Variants in SLC24A3 observed in about 807,000 individuals in gnomAD.
The protein encoded by SLC24A3 is solute carrier family 24 member 3, also known as sodium/potassium/calcium exchanger 3.
In SLC24A3, 28 loss-of-function variants were observed where a neutral mutation model predicts 75.8. That is an observed-to-expected ratio of 0.37 (90% CI 0.27 to 0.51). SLC24A3 has a LOEUF of 0.51. SLC24A3 is among the 20% of genes least tolerant of loss of function. The pLI is 0.94. For synonymous variants in SLC24A3, 372 were observed against 334.1 expected, an observed-to-expected ratio of 1.11 and a Z score of -1.24; for missense variants, 663 against 847.8, an observed-to-expected ratio of 0.78 and a Z score of 2.71.
At chr20:19,317,828 C>T (rs547311127) in intron 2 of SLC24A3, among the ~76,000 whole-genome samples, 33 of 152,312 alleles carry the variant, frequency 2.2e-4, no homozygotes, top group Middle Eastern at 6.8e-3. Flanking sequence ...AAGGTGCCCT[C>T]GGGCATCACA....
intron 2 of SLC24A3, among the ~76,000 whole-genome samples, chr20:19,418,511 T>A: frequency 6.6e-6 from 1 of 151,648 alleles, no homozygotes; most frequent in East Asian, 1.9e-4. Flanking sequence ...AAAACCCAGA[T>A]AAATAAAAGT....
chr20:19,244,867 C>G (rs1982442212), intron 1 of SLC24A3, among the ~76,000 whole-genome samples: 1 of 152,128 alleles, frequency 6.6e-6, no homozygotes, highest in Non-Finnish European at 1.5e-5. Flanking sequence ...AAAGAGGAAG[C>G]TGAATACCCA....
At chr20:19,582,880 T>C (rs962992031) in intron 4 of SLC24A3, among the ~76,000 whole-genome samples, 1 of 152,086 alleles carries the variant, frequency 6.6e-6, no homozygotes, top group African/African-American at 2.4e-5. Context: ...GAGCAGAGGC[T>C]TGTCTAGGAA....
At chr20:19,374,705 T>C (rs1986051562) in intron 2 of SLC24A3, among the ~76,000 whole-genome samples, 1 of 152,242 alleles carries the variant, frequency 6.6e-6, no homozygotes, top group Non-Finnish European at 1.5e-5. Context: ...TTAAAGGATA[T>C]GTCTGAATCA....
intron 1 of SLC24A3, among the ~76,000 whole-genome samples, chr20:19,246,911 A>G (rs1982505900): frequency 6.6e-6 from 1 of 151,888 alleles, no homozygotes; most frequent in South Asian, 2.1e-4. Context: ...AAGTAAATAT[A>G]ATTATCAATT....
At chr20:19,677,686 C>CTTTT (rs796484728) in intron 9 of SLC24A3, among the ~76,000 whole-genome samples, 2 of 113,934 alleles carry the variant, frequency 1.8e-5, no homozygotes, top group African/African-American at 3.3e-5. Flanking sequence ...TTTTTTTTTT[C>CTTTT]TTTTTTTTTT....
At chr20:19,508,609 G>A (rs1284415846) in intron 2 of SLC24A3, among the ~76,000 whole-genome samples, 2 of 152,232 alleles carry the variant, frequency 1.3e-5, no homozygotes, top group Non-Finnish European at 2.9e-5. Flanking sequence ...CAAGGAAGCT[G>A]ATTGCTGTTG....
chr20:19,301,270 A>G (rs1984189312), intron 2 of SLC24A3, among the ~76,000 whole-genome samples: 2 of 152,228 alleles, frequency 1.3e-5, no homozygotes, highest in South Asian at 4.1e-4. Flanking sequence ...AAGATGTTGC[A>G]AAAATGGAAG....
intron 3 of SLC24A3, among the ~76,000 whole-genome samples, chr20:19,551,941 C>A (rs1281980978): frequency 6.6e-6 from 1 of 152,052 alleles, no homozygotes; most frequent in Non-Finnish European, 1.5e-5. Context: ...GAAAGAAAAC[C>A]AAAAACCCAA....
At chr20:19,622,819 A>G (rs568088924) in intron 6 of SLC24A3, among the ~76,000 whole-genome samples, 12 of 152,320 alleles carry the variant, frequency 7.9e-5, no homozygotes, top group Non-Finnish European at 1.5e-4. Context: ...TGGCACCAGC[A>G]TCTGCTTGTG....
At chr20:19,409,314 G>A (rs527748718) in intron 2 of SLC24A3, among the ~76,000 whole-genome samples, 1 of 152,288 alleles carries the variant, frequency 6.6e-6, no homozygotes, top group African/African-American at 2.4e-5. Context: ...AACAGCTGCA[G>A]GGATAGTGGG....
intron 2 of SLC24A3, among the ~76,000 whole-genome samples, chr20:19,355,802 T>C (rs982278060): frequency 3.3e-5 from 5 of 152,166 alleles, no homozygotes; most frequent in African/African-American, 1.2e-4. Context: ...ATAAATGCTA[T>C]TTTGAGATGC....
chr20:19,296,157 A>G (rs1405987933), intron 2 of SLC24A3, among the ~76,000 whole-genome samples: 2 of 151,580 alleles, frequency 1.3e-5, no homozygotes, highest in African/African-American at 4.9e-5. Flanking sequence ...AGGTGTTTAT[A>G]GTATTCTCTG....
chr20:19,666,521 A>G (rs2032401880), intron 8 of SLC24A3, among the ~76,000 whole-genome samples: 1 of 152,072 alleles, frequency 6.6e-6, no homozygotes, highest in Non-Finnish European at 1.5e-5. Flanking sequence ...CCCCAAAAAA[A>G]AAATTGTGTC....
chr20:19,297,699 G>A (rs1984094155), intron 2 of SLC24A3, among the ~76,000 whole-genome samples: 6 of 152,302 alleles, frequency 3.9e-5, no homozygotes, highest in Middle Eastern at 3.4e-3. Flanking sequence ...TTTGTTGCAT[G>A]TATTTCTCTT....
At chr20:19,238,318 A>T (rs1170426517) in intron 1 of SLC24A3, among the ~76,000 whole-genome samples, 1 of 152,188 alleles carries the variant, frequency 6.6e-6, no homozygotes, top group African/African-American at 2.4e-5. Context: ...GTCTAGTTGT[A>T]GGTTATTCAT....
rs1423523771 is a variant in SLC24A3 at position 19,585,432 on chromosome 20, G to A, written c.509-9G>A. The A allele has an allele frequency of 6.2e-7, 1 of 1,613,736 alleles. No individual in the cohort carries two copies. Among genetic ancestry groups the A allele is most frequent in the Admixed American group, 1.7e-5 (1 of 59,978 alleles). The stretch of plus-strand genomic sequence containing the variant: ...CAACAGCCAGGCTGATGTGGGATCT[G>A]TGTTTCAGGGGTCTTCATCACCAAA... On this transcript the variant is annotated splice_polypyrimidine_tract_variant and intron_variant, in intron 5 of 16. Transcript: ENST00000328041.
intron 2 of SLC24A3, among the ~76,000 whole-genome samples, chr20:19,497,416 C>G (rs960935415): frequency 1.3e-5 from 2 of 152,190 alleles, no homozygotes; most frequent in African/African-American, 2.4e-5. Context: ...TTTCTCCAGC[C>G]CAAGGCTTAG....
chr20:19,426,778 A>C (rs1157349990), intron 2 of SLC24A3, among the ~76,000 whole-genome samples: 1 of 152,162 alleles, frequency 6.6e-6, no homozygotes, highest in Non-Finnish European at 1.5e-5. Context: ...GGTTGGACCT[A>C]GGAGCATGGG....
Sources: gnomAD v4.1 joint callset for allele counts (sites outside exome capture counted in the v4.1 genomes callset) on GRCh38, gnomAD v4.1.1 for gene constraint, MANE v1.5 for transcripts, NCBI Gene and HGNC (gene_info 2026-07-23, HGNC 2026-07-21) for gene names.